The following HIP1 variants were observed in gnomAD, a reference collection of about 807,000 sequenced individuals.
HIP1 encodes the protein huntingtin interacting protein 1.
A neutral mutation model predicts 147.6 loss-of-function variants in HIP1; 65 were observed. That is an observed-to-expected ratio of 0.44 (90% confidence interval 0.36 to 0.54). HIP1 has a LOEUF of 0.54. Among genes scored for constraint, HIP1 ranks in the 20% least tolerant of loss-of-function variants. The pLI is 0.00. For missense variants in HIP1, 1,061 were observed against 1,299.6 expected (o/e 0.82, Z 2.82); for synonymous variants, 479 against 504.0 (o/e 0.95, Z 0.67).
chr7:75,652,789 T>C (rs1344850543), intron 1 of HIP1, among the ~76,000 whole-genome samples: 6 of 152,084 alleles, frequency 3.9e-5, no homozygotes, highest in Non-Finnish European at 7.4e-5. Context: ...AAATAGAAAG[T>C]CATATTCACA....
At chr7:75,598,060 G>T (rs1358422094) in intron 2 of HIP1, among the ~76,000 whole-genome samples, 1 of 152,120 alleles carries the variant, frequency 6.6e-6, no homozygotes, top group Non-Finnish European at 1.5e-5. Context: ...GGTTGAACCT[G>T]TTCACGAAGG....
chr7:75,578,385 C>T (rs1433426049), intron 7 of HIP1, among the ~76,000 whole-genome samples: 7 of 151,830 alleles, frequency 4.6e-5, no homozygotes, highest in Non-Finnish European at 1.0e-4. Context: ...CATTCCAAAG[C>T]TAAATGCAGG....
chr7:75,624,220 T>C (rs1178582576), intron 1 of HIP1, among the ~76,000 whole-genome samples: 1 of 152,176 alleles, frequency 6.6e-6, no homozygotes. Flanking sequence ...TGATGGATAC[T>C]CCCTGCTCTG....
rs577872599 is a variant in HIP1 at position 75,663,500 on chromosome 7, T to TGTAGGAGGCG, written c.121-64254_121-64253insCGCCTCCTAC. Among the ~76,000 whole-genome samples the TGTAGGAGGCG allele has an allele frequency of 1.9e-3, 283 of 152,034 alleles. 2 individuals carry two copies. Among genetic ancestry groups the TGTAGGAGGCG allele is most frequent in the African/African-American group, 6.5e-3 (271 of 41,508 alleles). Reference sequence around the variant, plus strand: ...TACCCCTACAGCAGGCGAGGCGGACTGATGTAGGAGGCAGATGGTCAATTC... The same window carrying TGTAGGAGGCG: ...TACCCCTACAGCAGGCGAGGCGGACTGTAGGAGGCGGATGTAGGAGGCAGATGGTCAATTC... On this transcript the variant is annotated intron_variant, in intron 1 of 30. Coordinates refer to ENST00000336926, the MANE Select transcript of HIP1 (RefSeq NM_005338.7).
At chr7:75,664,781 C>T (rs551653197) in intron 1 of HIP1, among the ~76,000 whole-genome samples, 1 of 152,068 alleles carries the variant, frequency 6.6e-6, no homozygotes, top group South Asian at 2.1e-4. Context: ...CCACCACGTC[C>T]GACTAATTTT....
rs1314532607 is a variant in HIP1, at chr7:75,607,227, TG to T, written c.121-7981del. On this transcript the variant is annotated intron_variant, in intron 1 of 30. Transcript: ENST00000336926. ...CTACAAAAAAAAAAGAGTTGTTTTT[TG>T]TTTTGTTTTTTTTTTTTTTGAGACA... is the stretch of plus-strand genomic sequence containing the variant. Among the ~76,000 whole-genome samples the T allele has an allele frequency of 2.0e-3, 276 of 137,844 alleles. 5 individuals are homozygous for T. Among genetic ancestry groups the T allele is most frequent in the African/African-American group, 7.8e-3 (247 of 31,516 alleles). The allele number at this position is 137,844 out of a possible 152,430, so 90.4% of individuals were successfully genotyped here.
At chr7:75,579,256 T>TTCC (rs1203322557) in intron 7 of HIP1, among the ~76,000 whole-genome samples, 2 of 152,222 alleles carry the variant, frequency 1.3e-5, no homozygotes, top group African/African-American at 4.8e-5. Context: ...CTCAAATAGC[T>TTCC]TCCTAGTCGG....
At position 75,533,518 on chromosome 7, in the gene HIP1, C is replaced by T; in HGVS notation, c.*4654G>A. ...AGGTTAAAAACAGAAGAAAAACAAA[C>T]CCAACCCTATCCCTGCAAACTGAAA... On this transcript the variant is annotated 3_prime_UTR_variant, in exon 31 of 31. Coordinates refer to ENST00000336926, the MANE Select transcript of HIP1 (RefSeq NM_005338.7). 4.3e-6 allele frequency: 1 copy of T among 232,164 alleles called. No individual in the cohort carries two copies. The highest frequency in any genetic ancestry group is 2.2e-5 in the African/African-American group (1 of 45,368). The allele number at this position is 232,164 out of a possible 1,614,324, so 14.4% of individuals were successfully genotyped here. A position where few individuals can be genotyped will look rare whatever the true frequency, so the allele number is the denominator to read the frequency against.
intron 1 of HIP1, among the ~76,000 whole-genome samples, chr7:75,642,600 C>T (rs1170324172): frequency 2.0e-5 from 3 of 152,160 alleles, no homozygotes; most frequent in Non-Finnish European, 4.4e-5. Context: ...CATATCTGCC[C>T]CCATTCTTGT....
At chr7:75,699,411 T>C (rs570045365) in intron 1 of HIP1, among the ~76,000 whole-genome samples, 1 of 152,328 alleles carries the variant, frequency 6.6e-6, no homozygotes, top group East Asian at 1.9e-4. Flanking sequence ...CTTTTTTCCA[T>C]CGATCTCCTG....
At chr7:75,606,345 C>T (rs1554503820) in intron 1 of HIP1, among the ~76,000 whole-genome samples, 4 of 152,062 alleles carry the variant, frequency 2.6e-5, no homozygotes, top group South Asian at 2.1e-4. Context: ...TTTAGGAGGC[C>T]GAGGGGGGCA....
At chr7:75,547,421 C>A (rs1374521158) in intron 24 of HIP1, among the ~76,000 whole-genome samples, 4 of 152,132 alleles carry the variant, frequency 2.6e-5, no homozygotes, top group Non-Finnish European at 4.4e-5. Flanking sequence ...GCATGCACCA[C>A]CACGCCTGGC....
chr7:75,675,827 A>T lies in HIP1; in HGVS notation c.120+62974T>A, dbSNP rs570993574. ...GATGCTGTTGCTACAAAAAAATTTT[A>T]AAAATCAGCCAGGCATGGTGGTGTG... is the stretch of plus-strand genomic sequence containing the variant. On this transcript the variant is annotated intron_variant, in intron 1 of 30. Transcript: ENST00000336926. Among the ~76,000 whole-genome samples, 36 of 152,252 alleles carry T rather than the reference A, an allele frequency of 2.4e-4. 1 individual carries two copies. In the South Asian group the frequency reaches 7.3e-3, roughly 31 times the overall value.
At chr7:75,629,005 G>T (rs782769655) in intron 1 of HIP1, among the ~76,000 whole-genome samples, 3 of 152,166 alleles carry the variant, frequency 2.0e-5, no homozygotes, top group Non-Finnish European at 4.4e-5. Flanking sequence ...GGAGTAGGGA[G>T]GCAGTGATTT....
intron 18 of HIP1, 27 bp from the exon 19 acceptor site, chr7:75,555,578 T>G: frequency 6.2e-7 from 1 of 1,613,388 alleles, no homozygotes; most frequent in Non-Finnish European, 8.5e-7. Flanking sequence ...GAGGTGAGAG[T>G]CTGCCCTAGA....
chr7:75,541,985 A>G lies in HIP1; in HGVS notation c.2891-5T>C. The G allele has an allele frequency of 6.2e-7, 1 of 1,613,270 alleles. No individual in the cohort carries two copies. ...TGCTTGAGAAGTCCATGTTGTCTGC[A>G]AGGATGGAAACAAGAAGGTCTCATC... is the stretch of plus-strand genomic sequence containing the variant. On this transcript the variant is annotated splice_polypyrimidine_tract_variant and splice_region_variant and intron_variant, in intron 28 of 30. Transcript: ENST00000336926.
intron 1 of HIP1, among the ~76,000 whole-genome samples, chr7:75,732,150 C>G (rs977696449): frequency 2.6e-5 from 4 of 152,062 alleles, no homozygotes; most frequent in Non-Finnish European, 5.9e-5. Context: ...GCTGTGTGAC[C>G]TTGGACAAGT....
intron 27 of HIP1, 81 bp from the exon 28 acceptor site, chr7:75,543,055 T>A (rs1794397218): frequency 6.9e-7 from 1 of 1,456,626 alleles, no homozygotes; most frequent in Admixed American, 2.2e-5. Flanking sequence ...TGATGGTTCT[T>A]AGCAAACATA....
intron 22 of HIP1, 35 bp from the exon 23 acceptor site, chr7:75,549,036 G>T (rs1554491605): frequency 6.9e-7 from 1 of 1,455,268 alleles, no homozygotes; most frequent in Admixed American, 1.7e-5. Flanking sequence ...ACTGACCTTG[G>T]GGCCTCCTGT....
Sources: gnomAD v4.1 joint callset for allele counts (sites outside exome capture counted in the v4.1 genomes callset) on GRCh38, gnomAD v4.1.1 for gene constraint, MANE v1.5 for transcripts, NCBI Gene and HGNC (gene_info 2026-07-23, HGNC 2026-07-21) for gene names.